Variants in CACNA1A observed in about 807,000 individuals in gnomAD.
CACNA1A encodes voltage-dependent P/Q-type calcium channel subunit alpha-1A.
In CACNA1A, 57 loss-of-function variants were observed where a neutral mutation model predicts 262.4. The ratio of observed to expected loss-of-function variants is 0.22; its 90% CI spans 0.18 to 0.27. The LOEUF is 0.27. Among genes scored for constraint, CACNA1A ranks in the 10% least tolerant of loss-of-function variants. The probability of loss-of-function intolerance (pLI) is 1.00; values close to 1 mark genes in which losing one functional copy is unlikely to be tolerated. For missense variants in CACNA1A, 2,526 were observed against 3,562.8 expected (o/e 0.71, Z 7.41); for synonymous variants, 1,431 against 1,419.3 (o/e 1.01, Z -0.18).
intron 5 of CACNA1A, among the ~76,000 whole-genome samples, chr19:13,360,136 C>T (rs145932378): frequency 2.7e-4 from 41 of 150,534 alleles, no homozygotes; most frequent in African/African-American, 1.0e-3. Context: ...AACATTTTGT[C>T]ATGCATTATC....
chr19:13,443,214 G>A (rs2060754177), intron 3 of CACNA1A, among the ~76,000 whole-genome samples: 1 of 152,102 alleles, frequency 6.6e-6, no homozygotes, highest in African/African-American at 2.4e-5. Flanking sequence ...TCAGTTTCAG[G>A]TGTTCTGCTA....
At chr19:13,235,112 G>T in intron 33 of CACNA1A, 76 bp from the exon 34 acceptor site, 1 of 1,538,266 alleles carries the variant, frequency 6.5e-7, no homozygotes, top group Non-Finnish European at 9.0e-7. Context: ...CAACCTCCAT[G>T]GCTGCTTCTG....
chr19:13,495,732 A>T (rs1981423209), intron 1 of CACNA1A, among the ~76,000 whole-genome samples: 1 of 152,014 alleles, frequency 6.6e-6, no homozygotes, highest in African/African-American at 2.4e-5. Context: ...ACACCCTTAT[A>T]TCCAACATCC....
At chr19:13,292,934 G>A (rs1473832575) in intron 19 of CACNA1A, among the ~76,000 whole-genome samples, 1 of 151,738 alleles carries the variant, frequency 6.6e-6, no homozygotes, top group East Asian at 1.9e-4. Flanking sequence ...TGTCTCTCCC[G>A]GCCAGATTGT....
At chr19:13,443,632 C>T (rs1165270497) in intron 3 of CACNA1A, among the ~76,000 whole-genome samples, 4 of 152,232 alleles carry the variant, frequency 2.6e-5, no homozygotes, top group East Asian at 3.9e-4. Flanking sequence ...TAGGTGGGTG[C>T]CTATGTATGT....
intron 24 of CACNA1A, among the ~76,000 whole-genome samples, chr19:13,266,456 C>T (rs2056866634): frequency 1.3e-5 from 2 of 152,182 alleles, no homozygotes; most frequent in African/African-American, 4.8e-5. Context: ...GCACATGGAA[C>T]TGGCTAAAAT....
At chr19:13,482,848 T>TTGTG (rs34754803) in intron 1 of CACNA1A, among the ~76,000 whole-genome samples, 10,210 of 133,868 alleles carry the variant, frequency 0.076, 521 homozygotes, top group Non-Finnish European at 0.11. Context: ...TTCTCTCAAC[T>TTGTG]TGTGTGTGTG....
chr19:13,464,120 G>A (rs1243789729), intron 1 of CACNA1A, among the ~76,000 whole-genome samples: 2 of 152,216 alleles, frequency 1.3e-5, no homozygotes, highest in Admixed American at 1.3e-4. Context: ...CAAATGCAGA[G>A]GTAGATGCCT....
At chr19:13,392,930 C>A (rs1270744468) in intron 3 of CACNA1A, among the ~76,000 whole-genome samples, 2 of 152,078 alleles carry the variant, frequency 1.3e-5, no homozygotes, top group African/African-American at 4.8e-5. Flanking sequence ...TATTTTTTTG[C>A]GGAGACGGGG....
intron 1 of CACNA1A, among the ~76,000 whole-genome samples, chr19:13,503,463 G>T (rs2112467): frequency 0.73 from 110,096 of 151,772 alleles, 40,922 homozygotes; most frequent in African/African-American, 0.9. Flanking sequence ...AGGATATGCT[G>T]AAACATTTTT....
intron 3 of CACNA1A, among the ~76,000 whole-genome samples, chr19:13,437,691 CAAAAAAAAA>C (rs35266881): frequency 0.034 from 2,216 of 64,986 alleles, 62 homozygotes; most frequent in African/African-American, 0.099. Context: ...AACCCCATCT[CAAAAAAAAA>C]AAAAAAAAAA....
At chr19:13,384,824 C>A (rs2059582145) in intron 3 of CACNA1A, among the ~76,000 whole-genome samples, 1 of 152,112 alleles carries the variant, frequency 6.6e-6, no homozygotes, top group Non-Finnish European at 1.5e-5. Context: ...ATGAAGAATG[C>A]ATTTCATACG....
In CACNA1A at chr19:13,505,912, G is replaced by C. The variant is rs1405316489; in HGVS notation, c.293+20C>G. Reference sequence around the variant, plus strand: ...GGAGGGGGAGGCGCAGCTGCTGCTGGGGTTCGGGCAAAAGGATATGGCCAT... The same window carrying C: ...GGAGGGGGAGGCGCAGCTGCTGCTGCGGTTCGGGCAAAAGGATATGGCCAT... On this transcript the variant is annotated intron_variant, in intron 1 of 46. Coordinates refer to ENST00000360228, the MANE Select transcript of CACNA1A (RefSeq NM_001127222.2). The C allele has an allele frequency of 1.2e-6, 2 of 1,608,656 alleles. No homozygotes were observed. Among genetic ancestry groups the C allele is most frequent in the Non-Finnish European group, 1.7e-6 (2 of 1,177,442 alleles).
At chr19:13,500,846 T>C (rs1982292465) in intron 1 of CACNA1A, among the ~76,000 whole-genome samples, 1 of 152,236 alleles carries the variant, frequency 6.6e-6, no homozygotes, top group Non-Finnish European at 1.5e-5. Flanking sequence ...CATGGAATCC[T>C]GCTCAACACC....
intron 4 of CACNA1A, among the ~76,000 whole-genome samples, chr19:13,366,762 A>G (rs994105675): frequency 2.1e-4 from 32 of 152,040 alleles, no homozygotes; most frequent in African/African-American, 5.5e-4. Flanking sequence ...TTCTGCCAAG[A>G]GGCGGTGTCT....
At chr19:13,271,706 C>T (rs1329188644) in intron 24 of CACNA1A, 1 of 151,992 alleles carries the variant, frequency 6.6e-6, no homozygotes, top group African/African-American at 2.4e-5. Context: ...TAGGTCATTC[C>T]CCTCCCTAAA....
chr19:13,387,210 C>T (rs1392067674), intron 3 of CACNA1A, among the ~76,000 whole-genome samples: 2 of 152,188 alleles, frequency 1.3e-5, no homozygotes, highest in Non-Finnish European at 2.9e-5. Context: ...CCCGTCTTGG[C>T]CTCCCAAAGT....
rs16026 is a variant in CACNA1A at position 13,286,819 on chromosome 19, G to A, written c.3237C>T (p.Ala1079=). ...CGTGGCCAAGGCTGCCGTGGGGAGC[G>A]GCCGACTCCGCGGTGGCCAGCTTGT... ...KNNKLATAES[A]APHGSLGHAG... is the part of the protein sequence containing the mutation. The change falls in exon 20 of 47, where the codon GCC becomes GCT. Residue 1079 remains alanine, a synonymous_variant. Transcript: ENST00000360228. 1,707 of 1,613,576 alleles carry A rather than the reference G, an allele frequency of 1.1e-3. 14 individuals carry two copies. In the African/African-American group the frequency reaches 0.02, roughly 19 times the overall value.
Position 13,307,803 on chromosome 19 carries a change from T to C in CACNA1A, c.1965A>G (p.Ala655=). Reference sequence around the variant, plus strand: ...GTACCTGAAACACCGTCATTATTGCTGCTGGAAAAGTATCGAAGTTGGTGG... The same window carrying C: ...GTACCTGAAACACCGTCATTATTGCCGCTGGAAAAGTATCGAAGTTGGTGG... ...TPPTNFDTFP[A]AIMTVFQILT... The change falls in exon 15 of 47, where the codon GCA becomes GCG. Residue 655 remains alanine (A), a synonymous_variant. Transcript: ENST00000360228. 4 of 1,614,050 alleles carry C rather than the reference T, an allele frequency of 2.5e-6. No individual in the cohort carries two copies. Among genetic ancestry groups the C allele is most frequent in the Non-Finnish European group, 3.4e-6 (4 of 1,179,888 alleles).
Sources: gnomAD v4.1 joint callset for allele counts (sites outside exome capture counted in the v4.1 genomes callset) on GRCh38, gnomAD v4.1.1 for gene constraint, MANE v1.5 for transcripts, NCBI Gene and HGNC (gene_info 2026-07-23, HGNC 2026-07-21) for gene names.